Variants in ADCY8 observed in about 807,000 individuals in gnomAD.
ADCY8 encodes the protein adenylate cyclase type 8.
In ADCY8, 51 loss-of-function variants were observed where a neutral mutation model predicts 119.7. The observed-to-expected ratio is 0.43, with a 90% CI of 0.34 to 0.54. ADCY8 has a LOEUF of 0.54. Among genes scored for constraint, ADCY8 ranks in the 20% least tolerant of loss-of-function variants. The pLI is 0.03. For missense variants in ADCY8, 1,383 were observed against 1,598.8 expected, an observed-to-expected ratio of 0.87 and a Z score of 2.30; for synonymous variants, 665 against 651.0, an observed-to-expected ratio of 1.02 and a Z score of -0.33.
intron 1 of ADCY8, among the ~76,000 whole-genome samples, chr8:131,027,677 T>C (rs1402301887): frequency 2.0e-5 from 3 of 152,200 alleles, no homozygotes; most frequent in Admixed American, 6.5e-5. Context: ...CCAGTAGGTC[T>C]CCAGATTGCC....
chr8:130,986,684 GC>G (rs1206780902), intron 2 of ADCY8, among the ~76,000 whole-genome samples: 2 of 152,206 alleles, frequency 1.3e-5, no homozygotes, highest in African/African-American at 4.8e-5. Flanking sequence ...CATGGCACAG[GC>G]TGGTGAAATA....
chr8:130,940,852 G>C lies in ADCY8; in HGVS notation c.1353+2499C>G, dbSNP rs1464922945. ...TCTTGGAAAATTCCCAAGAGTTTAT[G>C]AAACTGCACATACAGACAATAGACA... On this transcript the variant is annotated intron_variant, in intron 4 of 17. Coordinates refer to ENST00000286355, the MANE Select transcript of ADCY8 (RefSeq NM_001115.3). Among the ~76,000 whole-genome samples the C allele has an allele frequency of 4.6e-5, 7 of 152,290 alleles. No individual in the cohort carries two copies. The East Asian group carries it at 1.4e-3, about 29-fold the overall frequency.
At chr8:131,036,516 C>T (rs1013058431) in intron 1 of ADCY8, among the ~76,000 whole-genome samples, 36 of 151,982 alleles carry the variant, frequency 2.4e-4, no homozygotes, top group Admixed American at 2.6e-4. Context: ...TTCTACAGGC[C>T]GAGGATAAAA....
At chr8:130,854,466 T>C (rs1381816644) in intron 9 of ADCY8, among the ~76,000 whole-genome samples, 1 of 152,112 alleles carries the variant, frequency 6.6e-6, no homozygotes, top group African/African-American at 2.4e-5. Flanking sequence ...TGTGGTGCAA[T>C]AGGAAACAAA....
chr8:130,830,157 C>T (rs1284188570), intron 12 of ADCY8, among the ~76,000 whole-genome samples: 1 of 152,106 alleles, frequency 6.6e-6, no homozygotes, highest in Non-Finnish European at 1.5e-5. Flanking sequence ...GTAAGGTTTT[C>T]CTCTAATTGA....
At chr8:131,025,211 T>C (rs1334674576) in intron 1 of ADCY8, among the ~76,000 whole-genome samples, 1 of 152,226 alleles carries the variant, frequency 6.6e-6, no homozygotes, top group Non-Finnish European at 1.5e-5. Context: ...ATAACTATCA[T>C]GATAAACATT....
intron 15 of ADCY8, among the ~76,000 whole-genome samples, chr8:130,796,677 G>A (rs1465810452): frequency 6.6e-6 from 1 of 152,042 alleles, no homozygotes; most frequent in East Asian, 1.9e-4. Context: ...GAGAGTGTTT[G>A]GGCTGGCAAT....
At chr8:130,854,914 T>TC in intron 9 of ADCY8, among the ~76,000 whole-genome samples, 3 of 134,986 alleles carry the variant, frequency 2.2e-5, no homozygotes, top group South Asian at 2.9e-4. Context: ...CCCCTTTTCT[T>TC]TTCCCCCTTT....
At chr8:130,924,581 C>G (rs1329209798) in intron 5 of ADCY8, among the ~76,000 whole-genome samples, 1 of 152,186 alleles carries the variant, frequency 6.6e-6, no homozygotes, top group Non-Finnish European at 1.5e-5. Context: ...TTTGCTGTCT[C>G]TAGGTCTCAT....
At chr8:130,932,155 A>C (rs1820649172) in intron 5 of ADCY8, among the ~76,000 whole-genome samples, 1 of 152,156 alleles carries the variant, frequency 6.6e-6, no homozygotes, top group South Asian at 2.1e-4. Context: ...AGCCAGAGTG[A>C]CATTGCTAGA....
intron 1 of ADCY8, among the ~76,000 whole-genome samples, chr8:130,998,522 G>T (rs1396271792): frequency 6.6e-6 from 1 of 152,132 alleles, no homozygotes; most frequent in Non-Finnish European, 1.5e-5. Context: ...ACCATGGAGG[G>T]TCTTGAAGCT....
rs1563714939 is a variant in ADCY8 at position 130,889,769 on chromosome 8, C to T, written c.1912-5008G>A. ...TTCACAGAGTATCAGACCCAGTGCA[C>T]GTGGCATCTGACCTTGTGGTGGAAC... On this transcript the variant is annotated intron_variant, in intron 7 of 17. Transcript: ENST00000286355. 2.0e-5 allele frequency among the ~76,000 whole-genome samples: 3 copies of T among 152,140 alleles called. 1 individual carries two copies. In the South Asian group the frequency reaches 6.2e-4, roughly 31 times the overall value.
intron 11 of ADCY8, among the ~76,000 whole-genome samples, chr8:130,845,194 G>C (rs996047903): frequency 3.3e-5 from 5 of 152,120 alleles, no homozygotes; most frequent in Admixed American, 3.3e-4. Flanking sequence ...ACTTTCTTAG[G>C]ATTTGGCTAA....
intron 11 of ADCY8, among the ~76,000 whole-genome samples, chr8:130,845,096 T>G (rs1056898188): frequency 6.6e-6 from 1 of 152,132 alleles, no homozygotes; most frequent in Non-Finnish European, 1.5e-5. Context: ...AATTAACCAA[T>G]AAGGAAGGCC....
At chr8:130,832,271 T>C (rs430659) in intron 12 of ADCY8, among the ~76,000 whole-genome samples, 93,165 of 151,880 alleles carry the variant, frequency 0.61, 28,678 homozygotes, top group South Asian at 0.72. Flanking sequence ...GTGGGACAGG[T>C]AGTTTGACGA....
chr8:130,780,374 CAGAA>C lies in ADCY8; in HGVS notation c.*12_*15del. On this transcript the variant is annotated 3_prime_UTR_variant, in exon 18 of 18. Coordinates refer to ENST00000286355, the MANE Select transcript of ADCY8 (RefSeq NM_001115.3). ...ATAAAAGAAATACAAAAAAAAAAAA[CAGAA>C]AGAAAATGCTTTTATGGCAAATCAG... The C allele has an allele frequency of 9.2e-7, 1 of 1,091,852 alleles. No individual in the cohort carries two copies. Among genetic ancestry groups the C allele is most frequent in the Middle Eastern group, 2.9e-4 (1 of 3,502 alleles). The allele number at this position is 1,091,852 out of a possible 1,614,324, so 67.6% of individuals were successfully genotyped here.
chr8:130,975,215 A>T (rs1289215457), intron 2 of ADCY8, among the ~76,000 whole-genome samples: 1 of 152,204 alleles, frequency 6.6e-6, no homozygotes, highest in Non-Finnish European at 1.5e-5. Flanking sequence ...AGGCCCTTAG[A>T]AATTATGTAC....
intron 14 of ADCY8, among the ~76,000 whole-genome samples, chr8:130,812,950 C>A (rs372094954): frequency 2.9e-5 from 4 of 140,234 alleles, no homozygotes; most frequent in African/African-American, 7.9e-5. Context: ...CCATCTTGAT[C>A]TTTTTTTTTT....
chr8:131,012,060 A>G (rs1047987565), intron 1 of ADCY8, among the ~76,000 whole-genome samples: 3 of 152,168 alleles, frequency 2.0e-5, no homozygotes, highest in African/African-American at 7.2e-5. Context: ...GGCATCTCAG[A>G]ACCAGAAACT....
Sources: allele counts gnomAD v4.1 joint callset (sites outside exome capture counted in the v4.1 genomes callset), GRCh38; gene constraint gnomAD v4.1.1; transcripts MANE v1.5; gene names NCBI Gene and HGNC (gene_info 2026-07-23, HGNC 2026-07-21).